RNF123: variants seen among roughly 807,000 people sequenced by gnomAD.
RNF123 encodes E3 ubiquitin-protein ligase RNF123.
RNF123 carries 86 observed loss-of-function variants against 168.5 expected under a neutral mutation model. The ratio of observed to expected loss-of-function variants is 0.51; its 90% confidence interval spans 0.43 to 0.61. RNF123 has a LOEUF of 0.61. Ranked by LOEUF, RNF123 falls within the 20% of genes least tolerant of loss-of-function variation. The pLI is 0.00. For synonymous variants in RNF123, 666 were observed against 689.1 expected, an observed-to-expected ratio of 0.97 and a Z score of 0.52; for missense variants, 1,419 against 1,729.7, an observed-to-expected ratio of 0.82 and a Z score of 3.19.
At chr3:49,691,578 G>A in intron 3 of RNF123, 69 bp downstream of exon 3, 1 of 1,261,374 alleles carries the variant, frequency 7.9e-7, no homozygotes, top group Non-Finnish European at 1.2e-6. Flanking sequence ...TGCAGTTGTA[G>A]GGAAAGGGAG....
At position 49,698,441 on chromosome 3, in the gene RNF123, A is replaced by T; in HGVS notation, c.485A>T (p.Glu162Val). 2 of 1,613,486 alleles carry T rather than the reference A, an allele frequency of 1.2e-6. No homozygotes were observed. Among genetic ancestry groups the T allele is most frequent in the Non-Finnish European group, 1.7e-6 (2 of 1,179,820 alleles). ...ACCTCATAGGCATTTCCTCCCTAGGAGGGGGTTGGAGATACACACAACTCC... is the reference window on the plus strand; with the variant it reads ...ACCTCATAGGCATTTCCTCCCTAGGTGGGGGTTGGAGATACACACAACTCC... Reference protein sequence around the residue: ...CTISCRFNQEEGVGDTHNSYA... With the variant: ...CTISCRFNQEVGVGDTHNSYA... The change falls in exon 8 of 39, where the codon GAG becomes GTG. Residue 162 changes from glutamate to valine, a missense_variant and splice_region_variant. Physicochemically the swap from Glu to Val is moderately radical, Grantham distance 121. Around this residue, in one of 5 missense-constraint regions of RNF123, gnomAD observed 318 missense variants for 446.6 expected, o/e 0.71. Transcript: ENST00000327697.
chr3:49,713,488 C>CA, intron 27 of RNF123, 25 bp from the exon 28 acceptor site: 1 of 1,589,218 alleles, frequency 6.3e-7, no homozygotes, highest in Non-Finnish European at 8.6e-7. Context: ...TCCCAGCCGA[C>CA]ACGTCTCACT....
intron 35 of RNF123, 90 bp from the exon 36 acceptor site, chr3:49,720,421 G>A (rs2080375727): frequency 4.5e-6 from 6 of 1,324,144 alleles, no homozygotes; most frequent in East Asian, 2.4e-5. Context: ...GATCATGTAC[G>A]AGCCATGGCA....
intron 18 of RNF123, 70 bp from the exon 19 acceptor site, chr3:49,702,264 A>G: frequency 1.9e-6 from 3 of 1,590,386 alleles, no homozygotes; most frequent in Non-Finnish European, 2.6e-6. Context: ...GGGAAGGTGC[A>G]GCACTGAGCC....
chr3:49,702,511 A>G, intron 19 of RNF123, 106 bp downstream of exon 19: 2 of 1,604,436 alleles, frequency 1.2e-6, no homozygotes, highest in South Asian at 1.1e-5. Flanking sequence ...GCCTAGCCCC[A>G]AGCTTTTCTC....
intron 35 of RNF123, chr3:49,718,558 C>T (rs1414868542): frequency 1.2e-6 from 2 of 1,613,152 alleles, no homozygotes; most frequent in Admixed American, 3.3e-5. Context: ...GGCCGGGACG[C>T]TGGTGTTGCA....
intron 1 of RNF123, among the ~76,000 whole-genome samples, chr3:49,690,877 C>T (rs571339732): frequency 6.8e-4 from 104 of 152,330 alleles, no homozygotes; most frequent in African/African-American, 2.4e-3. Context: ...ATATCTAGTA[C>T]CTGCTCTCTG....
Position 49,698,488 on chromosome 3 carries a change from G to A in RNF123, c.532G>A (p.Val178Met). Residue 178 changes from valine to methionine, a missense_variant, in exon 8 of 39, where the codon GTG (valine) becomes ATG (methionine). Coordinates refer to ENST00000327697, the MANE Select transcript of RNF123 (RefSeq NM_022064.5). ...HNSYAYDGNRVRKWNVTTTNY... is the reference protein window; with the variant it reads ...HNSYAYDGNRMRKWNVTTTNY... ...CTCCTATGCCTATGATGGCAACCGC[G>A]TGCGCAAGTGGAATGTGACCACAAC... The A allele has an allele frequency of 1.9e-6, 3 of 1,613,960 alleles. No homozygotes were observed. Among genetic ancestry groups the A allele is most frequent in the Non-Finnish European group, 2.5e-6 (3 of 1,180,020 alleles).
rs367730914 is a variant in RNF123 at position 49,721,060 on chromosome 3, A to G, written c.3779A>G (p.His1260Arg). Residue 1260 changes from histidine to arginine, a missense_variant, in exon 38 of 39, where the codon CAC becomes CGC. By Grantham distance (29) the His-to-Arg change is conservative. Coordinates refer to ENST00000327697, the MANE Select transcript of RNF123 (RefSeq NM_022064.5). ...GACCTCTGCCCCATCTGCTATGCCC[A>G]CCCCATCTCTGCTGTGTTCCAGCCC... The part of the protein sequence containing the change: ...EEDLCPICYA[H>R]PISAVFQPCG... The G allele has an allele frequency of 6.2e-7, 1 of 1,613,480 alleles. No homozygotes were observed. The highest frequency in any genetic ancestry group is 1.3e-5 in the African/African-American group (1 of 74,820).
intron 35 of RNF123, chr3:49,719,960 GATA>G: frequency 6.0e-6 from 1 of 166,126 alleles, no homozygotes; most frequent in Non-Finnish European, 1.3e-5. Context: ...TTGAAGGACT[GATA>G]ATATTATGGG....
intron 35 of RNF123, chr3:49,719,150 C>T (rs752806646): frequency 1.2e-6 from 2 of 1,613,572 alleles, no homozygotes; most frequent in South Asian, 1.1e-5. Flanking sequence ...CTGGCGTTGA[C>T]GAAGACGCCG....
intron 35 of RNF123, chr3:49,720,304 A>C: frequency 4.7e-5 from 19 of 406,264 alleles, no homozygotes; most frequent in Non-Finnish European, 5.6e-5. Flanking sequence ...CAACAGAGCG[A>C]GACTCGTCTC....
intron 26 of RNF123, among the ~76,000 whole-genome samples, chr3:49,712,077 T>A (rs1450699192): frequency 6.6e-6 from 1 of 151,830 alleles, no homozygotes; most frequent in Non-Finnish European, 1.5e-5. Flanking sequence ...ATACAAAAAT[T>A]AGCCGAGCGC....
intron 22 of RNF123, 42 bp from the exon 23 acceptor site, chr3:49,704,942 C>T (rs766452422): frequency 3.2e-6 from 5 of 1,553,688 alleles, no homozygotes; most frequent in African/African-American, 2.7e-5. Context: ...GCCAAGGGAA[C>T]CCTGAGCCAG....
intron 3 of RNF123, among the ~76,000 whole-genome samples, chr3:49,694,186 TTTC>T (rs2054223577): frequency 6.6e-6 from 1 of 152,222 alleles, no homozygotes; most frequent in Admixed American, 6.5e-5. Context: ...CTTCAGTTCT[TTTC>T]TTAAAACGTT....
At chr3:49,700,157 T>C in intron 12 of RNF123, 70 bp from the exon 13 acceptor site, 2 of 1,595,706 alleles carry the variant, frequency 1.3e-6, no homozygotes, top group South Asian at 1.1e-5. Context: ...GCCTTGGCCA[T>C]GTGCCAGGGC....
At chr3:49,700,133 T>G (rs1181586468) in intron 12 of RNF123, 94 bp from the exon 13 acceptor site, 3 of 1,557,142 alleles carry the variant, frequency 1.9e-6, no homozygotes, top group African/African-American at 2.7e-5. Flanking sequence ...CAAGGCTCTG[T>G]GCCTGAGGCT....
At position 49,712,696 on chromosome 3, in the gene RNF123, G is replaced by C. The variant is rs201830526; in HGVS notation, c.2674+40G>C. On this transcript the variant is annotated intron_variant, in intron 27 of 38. Coordinates refer to ENST00000327697, the MANE Select transcript of RNF123 (RefSeq NM_022064.5). ...CAGGCTGAGGCAGAAGCAGAAAAGG[G>C]GTCTCTAGTGTGAGCCCTAGGAGCC... The C allele has an allele frequency of 1.4e-5, 22 of 1,609,720 alleles. No homozygotes were observed. The East Asian group carries it at 4.9e-4, about 36-fold the overall frequency.
chr3:49,706,987 C>G (rs2054532157), intron 26 of RNF123, 89 bp downstream of exon 26: 1 of 967,388 alleles, frequency 1.0e-6, no homozygotes, highest in African/African-American at 1.6e-5. Context: ...ATGCCCCCAC[C>G]CTCTCAGGCC....
Sources: gnomAD v4.1 joint callset for allele counts (sites outside exome capture counted in the v4.1 genomes callset) on GRCh38, gnomAD v4.1.1 for gene constraint, gnomAD v4.1.1 regional missense constraint, MANE v1.5 for transcripts, NCBI Gene and HGNC (gene_info 2026-07-23, HGNC 2026-07-21) for gene names.